Variants in SLC44A5 observed in about 807,000 individuals in gnomAD.
The protein encoded by SLC44A5 is choline transporter-like protein 5.
In SLC44A5, 57 loss-of-function variants were observed where a neutral mutation model predicts 101.8. That is an observed-to-expected ratio of 0.56 (90% CI 0.45 to 0.70). SLC44A5 has a LOEUF of 0.70. SLC44A5 is among the 30% of genes least tolerant of loss of function. The pLI is 0.00. For synonymous variants in SLC44A5, 281 were observed against 290.9 expected, an observed-to-expected ratio of 0.97 and a Z score of 0.35; for missense variants, 737 against 853.1, an observed-to-expected ratio of 0.86 and a Z score of 1.70.
chr1:75,461,123 G>A (rs997417882), intron 2 of SLC44A5, among the ~76,000 whole-genome samples: 2 of 152,018 alleles, frequency 1.3e-5, no homozygotes, highest in African/African-American at 4.8e-5. Flanking sequence ...CCATTTACAA[G>A]AATGTTTACA....
chr1:75,228,612 T>C (rs1249409943), intron 12 of SLC44A5, among the ~76,000 whole-genome samples: 2 of 151,962 alleles, frequency 1.3e-5, no homozygotes, highest in African/African-American at 4.8e-5. Context: ...CGTATTCTAC[T>C]TTGTGTCTAT....
chr1:75,508,615 GA>G (rs752187414), intron 2 of SLC44A5, among the ~76,000 whole-genome samples: 3 of 151,036 alleles, frequency 2.0e-5, no homozygotes, highest in Middle Eastern at 3.4e-3. Context: ...GATGAAGAAG[GA>G]AAAAAAAGAG....
chr1:75,474,728 C>T (rs530588144), intron 2 of SLC44A5, among the ~76,000 whole-genome samples: 3 of 152,202 alleles, frequency 2.0e-5, no homozygotes, highest in Non-Finnish European at 2.9e-5. Flanking sequence ...AAATTTTATA[C>T]CCCAAATTTC....
chr1:75,689,499 T>C, the SLC44A5 span, among the ~76,000 whole-genome samples: 2 of 152,210 alleles, frequency 1.3e-5, no homozygotes, highest in Non-Finnish European at 2.9e-5. Context: ...TCCCAGGTTT[T>C]GGGCTCATTA....
chr1:75,566,441 G>C (rs921821774), intron 1 of SLC44A5, among the ~76,000 whole-genome samples: 3 of 152,164 alleles, frequency 2.0e-5, no homozygotes, highest in Non-Finnish European at 4.4e-5. Flanking sequence ...GCAATTTTAA[G>C]CATTCCTTCA....
intron 2 of SLC44A5, among the ~76,000 whole-genome samples, chr1:75,447,258 GC>G (rs1440827136): frequency 2.0e-5 from 3 of 152,128 alleles, no homozygotes; most frequent in Non-Finnish European, 4.4e-5. Flanking sequence ...TAAGATCATT[GC>G]AGGAATTACT....
At chr1:75,344,950 T>C (rs974602240) in intron 3 of SLC44A5, among the ~76,000 whole-genome samples, 1 of 152,032 alleles carries the variant, frequency 6.6e-6, no homozygotes, top group Non-Finnish European at 1.5e-5. Flanking sequence ...TATTTCTCTG[T>C]TCCTGTTACC....
At chr1:75,693,036 A>G in the SLC44A5 span, among the ~76,000 whole-genome samples, 1 of 152,254 alleles carries the variant, frequency 6.6e-6, no homozygotes, top group East Asian at 1.9e-4. Flanking sequence ...TTCAAGGAGC[A>G]GAAGTGAGGA....
chr1:75,681,281 A>G, the SLC44A5 span, among the ~76,000 whole-genome samples: 2 of 152,190 alleles, frequency 1.3e-5, no homozygotes, highest in African/African-American at 4.8e-5. Context: ...TTCTGATACC[A>G]AAGCCGGGCA....
intron 5 of SLC44A5, among the ~76,000 whole-genome samples, chr1:75,277,876 T>C (rs1454032908): frequency 6.6e-6 from 1 of 152,124 alleles, no homozygotes. Flanking sequence ...GTGCTGCAGA[T>C]GGTCTGTGTT....
At chr1:75,527,050 G>T (rs543546908) in intron 2 of SLC44A5, among the ~76,000 whole-genome samples, 1 of 151,306 alleles carries the variant, frequency 6.6e-6, no homozygotes, top group African/African-American at 2.4e-5. Context: ...CAGGAGAATC[G>T]CTTGAAGCTG....
In SLC44A5 at chr1:75,242,387, T is replaced by C. The variant is rs890300387; in HGVS notation, c.472-326A>G. ...GGTTTTTTTTTCTAGAAAAACAACA[T>C]CTTCTCTAATTTAGAAACCATTCAT... On this transcript the variant is annotated intron_variant, in intron 8 of 23. Transcript: ENST00000370859. Among the ~76,000 whole-genome samples the C allele has an allele frequency of 2.0e-5, 3 of 151,928 alleles. No homozygotes were observed. In the South Asian group the frequency reaches 6.2e-4, roughly 31 times the overall value.
At chr1:75,719,030 A>C in the SLC44A5 span, among the ~76,000 whole-genome samples, 1 of 152,154 alleles carries the variant, frequency 6.6e-6, no homozygotes, top group African/African-American at 2.4e-5. Context: ...CAAGGCTTTG[A>C]CTGGAATGGT....
chr1:75,535,470 G>A (rs1396117753), intron 2 of SLC44A5, among the ~76,000 whole-genome samples: 1 of 152,112 alleles, frequency 6.6e-6, no homozygotes, highest in African/African-American at 2.4e-5. Flanking sequence ...AAGGCCCTCA[G>A]AAAAATCCAG....
At chr1:75,343,097 G>A (rs1445233129) in intron 3 of SLC44A5, among the ~76,000 whole-genome samples, 1 of 152,052 alleles carries the variant, frequency 6.6e-6, no homozygotes, top group African/African-American at 2.4e-5. Context: ...AAGCCACAGT[G>A]GTTCGCTGTC....
intron 1 of SLC44A5, among the ~76,000 whole-genome samples, chr1:75,583,468 CCT>C (rs1286874451): frequency 1.3e-5 from 2 of 152,150 alleles, no homozygotes; most frequent in Non-Finnish European, 2.9e-5. Context: ...AGTAGACAGC[CCT>C]CTTAGGGTCC....
intron 2 of SLC44A5, among the ~76,000 whole-genome samples, chr1:75,537,287 T>A (rs184400280): frequency 4.9e-4 from 75 of 152,170 alleles, no homozygotes; most frequent in African/African-American, 1.7e-3. Flanking sequence ...TTCTAATCAA[T>A]CTCATTATGA....
At chr1:75,657,944 G>C in the SLC44A5 span, among the ~76,000 whole-genome samples, 1 of 151,388 alleles carries the variant, frequency 6.6e-6, no homozygotes, top group Admixed American at 6.6e-5. Flanking sequence ...CTACAGTCTA[G>C]ATCAAATGAA....
intron 3 of SLC44A5, among the ~76,000 whole-genome samples, chr1:75,394,633 T>C (rs1430539037): frequency 2.0e-5 from 3 of 152,140 alleles, no homozygotes; most frequent in African/African-American, 7.2e-5. Context: ...CCTCAGCTTC[T>C]TTGGAACACA....
Sources: allele counts gnomAD v4.1 joint callset (sites outside exome capture counted in the v4.1 genomes callset), GRCh38; gene constraint gnomAD v4.1.1; transcripts MANE v1.5; gene names NCBI Gene and HGNC (gene_info 2026-07-23, HGNC 2026-07-21).